The following TMEM26 variants were observed in gnomAD, a reference collection of about 807,000 sequenced individuals.
The protein encoded by TMEM26 is transmembrane protein 26.
TMEM26 carries 38 observed loss-of-function variants against 28.8 expected under a neutral mutation model. The observed-to-expected ratio is 1.32, with a 90% CI of 1.02 to 1.73. The LOEUF is 1.73. TMEM26 is among the 40% of genes most tolerant of loss of function. TMEM26 has a pLI of 0.00. For missense variants in TMEM26, 518 were observed against 447.1 expected, an observed-to-expected ratio of 1.16 and a Z score of -1.43; for synonymous variants, 227 against 182.9, an observed-to-expected ratio of 1.24 and a Z score of -1.95.
In TMEM26 at chr10:61,413,029, A is replaced by G. The variant is rs1024462724; in HGVS notation, c.682+430T>C. 3 of 1,157,028 alleles carry G rather than the reference A, an allele frequency of 2.6e-6. No homozygotes were observed. In the African/African-American group the frequency reaches 4.9e-5, roughly 19 times the overall value. The allele number at this position is 1,157,028 out of a possible 1,614,324, so 71.7% of individuals were successfully genotyped here. ...AAAAGAATGAAAATTACTTCTTACA[A>G]ATAATAAGAAATAAAACTTTTATGG... On this transcript the variant is annotated intron_variant, in intron 5 of 5. Coordinates refer to ENST00000399298, the MANE Select transcript of TMEM26 (RefSeq NM_178505.8).
chr10:61,422,463 A>AG (rs907476636), intron 4 of TMEM26, among the ~76,000 whole-genome samples: 2 of 152,156 alleles, frequency 1.3e-5, no homozygotes, highest in Admixed American at 1.3e-4. Flanking sequence ...GATCCTCAGA[A>AG]GAAAATAGAA....
chr10:61,433,440 A>G (rs1276990370), intron 2 of TMEM26, among the ~76,000 whole-genome samples: 3 of 152,120 alleles, frequency 2.0e-5, no homozygotes, highest in Non-Finnish European at 4.4e-5. Flanking sequence ...TGTGTCTTTT[A>G]AACTCTTATT....
Position 61,436,174 on chromosome 10 carries a change from G to A in TMEM26, c.266C>T (p.Thr89Ile). ...CTACTTTCCAAAAAGAAGTACCTGGGTCTCATGGTGCAATTCAAGAAGCCA... is the reference window on the plus strand; with the variant it reads ...CTACTTTCCAAAAAGAAGTACCTGGATCTCATGGTGCAATTCAAGAAGCCA... ...SLWLLELHHETQYCSIQAEGT... is the reference protein window; with the variant it reads ...SLWLLELHHEIQYCSIQAEGT... The change falls in exon 2 of 6, where the codon ACC becomes ATC. Residue 89 changes from threonine (T) to isoleucine (I), a missense_variant. Coordinates refer to ENST00000399298, the MANE Select transcript of TMEM26 (RefSeq NM_178505.8). 3 of 1,597,794 alleles carry A rather than the reference G, an allele frequency of 1.9e-6. No individual in the cohort carries two copies. Among genetic ancestry groups the A allele is most frequent in the Non-Finnish European group, 1.7e-6 (2 of 1,167,246 alleles).
At chr10:61,452,607 G>C in intron 1 of TMEM26, 1 of 394,980 alleles carries the variant, frequency 2.5e-6, no homozygotes, top group East Asian at 4.1e-5. Flanking sequence ...AAATAGACCA[G>C]CGCTTCCTCT....
At chr10:61,440,413 C>G (rs1793283436) in intron 1 of TMEM26, among the ~76,000 whole-genome samples, 1 of 151,654 alleles carries the variant, frequency 6.6e-6, no homozygotes, top group Admixed American at 6.6e-5. Context: ...CCATCACTAC[C>G]TACAAGATGC....
chr10:61,438,976 A>G (rs1840049465), intron 1 of TMEM26, among the ~76,000 whole-genome samples: 1 of 152,200 alleles, frequency 6.6e-6, no homozygotes, highest in South Asian at 2.1e-4. Context: ...CCAAGAATTA[A>G]TTATATTCAA....
intron 4 of TMEM26, among the ~76,000 whole-genome samples, chr10:61,427,833 C>A (rs967648429): frequency 6.6e-6 from 1 of 152,050 alleles, no homozygotes; most frequent in Non-Finnish European, 1.5e-5. Context: ...TTTCTTGTAA[C>A]AACATTGTAT....
At chr10:61,416,392 T>A (rs1364177803) in intron 4 of TMEM26, among the ~76,000 whole-genome samples, 1 of 152,084 alleles carries the variant, frequency 6.6e-6, no homozygotes, top group African/African-American at 2.4e-5. Context: ...TTATTAGTCA[T>A]ATGAATATGC....
chr10:61,426,150 T>C (rs576338828), intron 4 of TMEM26, among the ~76,000 whole-genome samples: 1 of 152,146 alleles, frequency 6.6e-6, no homozygotes, highest in South Asian at 2.1e-4. Flanking sequence ...CCCAGAAACA[T>C]TATGTTACAT....
chr10:61,412,042 G>A (rs1434416496), intron 5 of TMEM26, among the ~76,000 whole-genome samples: 1 of 152,126 alleles, frequency 6.6e-6, no homozygotes, highest in Non-Finnish European at 1.5e-5. Flanking sequence ...GGGAGGGTGA[G>A]GATCGGCAGA....
chr10:61,421,826 T>C (rs575042556), intron 4 of TMEM26, among the ~76,000 whole-genome samples: 42 of 152,264 alleles, frequency 2.8e-4, no homozygotes, highest in Middle Eastern at 3.4e-3. Flanking sequence ...TTTGCTATAA[T>C]AGCCCTAGTA....
chr10:61,427,895 T>C (rs987225435), intron 4 of TMEM26, among the ~76,000 whole-genome samples: 2 of 152,114 alleles, frequency 1.3e-5, no homozygotes, highest in African/African-American at 2.4e-5. Context: ...ACTTAAGACA[T>C]TAAAACTACG....
Position 61,410,579 on chromosome 10 carries a change from G to C in TMEM26, c.850C>G (p.Gln284Glu), listed in dbSNP as rs1357735040. The change falls in exon 6 of 6, where the codon CAG becomes GAG. Residue 284 changes from glutamine to glutamate, a missense_variant. Physicochemically the swap from Gln to Glu is conservative, Grantham distance 29. Transcript: ENST00000399298. ...ILMTYFKVIN[Q>E]MLVFFAAKNF... is the part of the protein sequence containing the mutation. Reference sequence around the variant, plus strand: ...TTCGCGGCAAAGAACACCAGCATCTGATTGATCACTTTGAAATAGGTCATC... The same window carrying C: ...TTCGCGGCAAAGAACACCAGCATCTCATTGATCACTTTGAAATAGGTCATC... The C allele has an allele frequency of 2.5e-6, 4 of 1,614,010 alleles. No individual in the cohort carries two copies. The South Asian group carries it at 3.3e-5, about 13-fold the overall frequency.
chr10:61,421,126 T>C (rs1839739918), intron 4 of TMEM26, among the ~76,000 whole-genome samples: 1 of 152,104 alleles, frequency 6.6e-6, no homozygotes, highest in South Asian at 2.1e-4. Context: ...AGAATTAAGT[T>C]AGTTTTACCC....
chr10:61,449,886 A>T (rs1054985760), intron 1 of TMEM26, among the ~76,000 whole-genome samples: 3 of 152,094 alleles, frequency 2.0e-5, no homozygotes, highest in African/African-American at 7.2e-5. Context: ...TTACATTTTT[A>T]AAAAATGTAA....
At chr10:61,424,553 C>A (rs1211893423) in intron 4 of TMEM26, among the ~76,000 whole-genome samples, 1 of 151,932 alleles carries the variant, frequency 6.6e-6, no homozygotes, top group Non-Finnish European at 1.5e-5. Context: ...ATTTTTTACC[C>A]TTTTTTACAA....
At chr10:61,431,015 T>C (rs988892699) in intron 3 of TMEM26, among the ~76,000 whole-genome samples, 5 of 152,022 alleles carry the variant, frequency 3.3e-5, no homozygotes, top group Non-Finnish European at 7.4e-5. Context: ...TATTAATATA[T>C]ATAAAATGTA....
intron 1 of TMEM26, among the ~76,000 whole-genome samples, chr10:61,444,253 A>T (rs1840141622): frequency 6.6e-6 from 1 of 152,206 alleles, no homozygotes; most frequent in South Asian, 2.1e-4. Flanking sequence ...TTATAAAACC[A>T]CCATGACAGC....
intron 2 of TMEM26, among the ~76,000 whole-genome samples, chr10:61,431,699 T>G (rs953440255): frequency 1.3e-4 from 19 of 151,774 alleles, no homozygotes; most frequent in Non-Finnish European, 2.9e-5. Context: ...ATGATCCTGG[T>G]CAAGGAAATT....
Sources: gnomAD v4.1 joint callset for allele counts (sites outside exome capture counted in the v4.1 genomes callset) on GRCh38, gnomAD v4.1.1 for gene constraint, MANE v1.5 for transcripts, NCBI Gene and HGNC (gene_info 2026-07-23, HGNC 2026-07-21) for gene names.